The following TNNI2 variants were observed in gnomAD, a reference collection of about 807,000 sequenced individuals.
The protein encoded by TNNI2 is troponin I2, fast skeletal type, also known as troponin I, fast skeletal muscle.
In TNNI2, 14 loss-of-function variants were observed where a neutral mutation model predicts 26.5. The ratio of observed to expected loss-of-function variants is 0.53; its 90% CI spans 0.35 to 0.83. The LOEUF (loss-of-function observed/expected upper bound fraction) is 0.83, where lower values mean the gene tolerates loss of function less well. TNNI2 is among the 40% of genes least tolerant of loss of function. The probability of loss-of-function intolerance (pLI) is 0.01; values close to 1 mark genes in which losing one functional copy is unlikely to be tolerated. For synonymous variants in TNNI2, 126 were observed against 97.6 expected, an observed-to-expected ratio of 1.29 and a Z score of -1.71; for missense variants, 205 against 248.5, an observed-to-expected ratio of 0.82 and a Z score of 1.18.
chr11:1,839,920 T>C (rs1847125806), intron 3 of TNNI2, 65 bp downstream of exon 3: 2 of 1,608,142 alleles, frequency 1.2e-6, no homozygotes, highest in Non-Finnish European at 1.7e-6. Flanking sequence ...GCATAGGTCA[T>C]AGGTCACAGC....
chr11:1,841,232 C>A (rs1441935874), intron 7 of TNNI2, 25 bp downstream of exon 7: 1 of 1,606,828 alleles, frequency 6.2e-7, no homozygotes, highest in Non-Finnish European at 8.5e-7. Context: ...GGGAGCACCA[C>A]CACACCTACC....
intron 4 of TNNI2, 39 bp from the exon 5 acceptor site, chr11:1,840,489 G>A (rs1353979331): frequency 1.2e-6 from 2 of 1,610,504 alleles, no homozygotes; most frequent in Non-Finnish European, 1.7e-6. Context: ...GGTCTGCAGG[G>A]GAGCTGGCTG....
rs112517111 is a variant in TNNI2 at position 1,841,014 on chromosome 11, G to A, written c.277-17G>A. The A allele has an allele frequency of 2.7e-3, 4,350 of 1,610,828 alleles. 122 individuals carry two copies. The African/African-American group carries it at 0.05, about 19-fold the overall frequency. ...CCACCGGGACCTCGGGCTCCCACCCGGCTCCCCTGCCCACAGCTGGAGGAC... is the reference window on the plus strand; with the variant it reads ...CCACCGGGACCTCGGGCTCCCACCCAGCTCCCCTGCCCACAGCTGGAGGAC... On this transcript the variant is annotated splice_polypyrimidine_tract_variant and intron_variant, in intron 6 of 7. Transcript: ENST00000381911.
intron 7 of TNNI2, 68 bp from the exon 8 acceptor site, chr11:1,841,388 G>A (rs771089985): frequency 6.4e-7 from 1 of 1,569,916 alleles, no homozygotes; most frequent in African/African-American, 1.3e-5. Flanking sequence ...TGAGGCTGAA[G>A]GTGGTGTGGA....
chr11:1,840,901 G>A lies in TNNI2; in HGVS notation c.269G>A (p.Ser90Asn). The A allele has an allele frequency of 1.2e-6, 2 of 1,613,048 alleles. No homozygotes were observed. Among genetic ancestry groups the A allele is most frequent in the Non-Finnish European group, 1.7e-6 (2 of 1,179,660 alleles). ...ATGGAGGTGAGGGTGCAGAAGACCA[G>A]CAAGGAGGTGAGTGGTGGCGGCGGG... ...YDMEVRVQKT[S>N]KELEDMNQKL... The change falls in exon 6 of 8, where the codon AGC becomes AAC. Residue 90 changes from serine (S) to asparagine (N), a missense_variant. Coordinates refer to ENST00000381911, the MANE Select transcript of TNNI2 (RefSeq NM_003282.4).
Position 1,840,516 on chromosome 11 carries a change from G to T in TNNI2, c.58-12G>T, listed in dbSNP as rs376026027. 58 of 1,611,342 alleles carry T rather than the reference G, an allele frequency of 3.6e-5. 1 individual carries two copies. The African/African-American group carries it at 7.1e-4, about 20-fold the overall frequency. On this transcript the variant is annotated splice_polypyrimidine_tract_variant and intron_variant, in intron 4 of 7. Transcript: ENST00000381911. ...AGCTGGCTGCAGCCCCTCACCGCCTGCCCCACCGCAGAGTGTGATGCTGCA... is the reference window on the plus strand; with the variant it reads ...AGCTGGCTGCAGCCCCTCACCGCCTTCCCCACCGCAGAGTGTGATGCTGCA...
Position 1,841,511 on chromosome 11 carries a change from G to C in TNNI2, c.509G>C (p.Gly170Ala), listed in dbSNP as rs945588746. Residue 170 changes from glycine (G) to alanine (A), a missense_variant, in exon 8 of 8, where the codon GGC (glycine) becomes GCC (alanine). Physicochemically the swap from Gly to Ala is moderately conservative, Grantham distance 60. Transcript: ENST00000381911. ...DWRKNIEEKS[G>A]MEGRKKMFES... is the part of the protein sequence containing the mutation. ...AGGAAGAACATCGAGGAGAAGTCTG[G>C]CATGGAGGGCCGGAAGAAGATGTTT... 6.2e-7 allele frequency: 1 copy of C among 1,614,158 alleles called. No individual in the cohort carries two copies. Among genetic ancestry groups the C allele is most frequent in the Non-Finnish European group, 8.5e-7 (1 of 1,180,008 alleles).
In TNNI2 at chr11:1,839,829, C is replaced by T. The variant is rs201561604; in HGVS notation, c.9-20C>T. On this transcript the variant is annotated intron_variant, in intron 2 of 7. Transcript: ENST00000381911. ...CTGTCTTCTCTCCCCGTCCTGCCTG[C>T]GTCCTCCCTCCCTGGACAGTGAGGA... 1.5e-5 allele frequency: 25 copies of T among 1,613,900 alleles called. No individual in the cohort carries two copies. Among genetic ancestry groups the T allele is most frequent in the East Asian group, 1.1e-4 (5 of 44,876 alleles).
intron 7 of TNNI2, 32 bp downstream of exon 7, chr11:1,841,239 T>TA (rs749325649): frequency 1.7e-4 from 266 of 1,603,944 alleles, no homozygotes; most frequent in Non-Finnish European, 2.0e-4. Flanking sequence ...CCACCACACC[T>TA]ACCCTGCCGG....
In TNNI2 at chr11:1,839,969, C is replaced by G; in HGVS notation, c.15+114C>G. The G allele has an allele frequency of 3.3e-6, 5 of 1,500,244 alleles. No homozygotes were observed. The South Asian group carries it at 6.1e-5, about 18-fold the overall frequency. 92.9% of individuals were successfully genotyped at this position (1,500,244 alleles called of 1,614,324 possible). A position where few individuals can be genotyped will look rare whatever the true frequency, so the allele number is the denominator to read the frequency against. ...GGCCCAGAGAAGATGGCCTGGCCCT[C>G]CCCGCTGGCAAAAGTGCCCCACCCA... On this transcript the variant is annotated intron_variant, in intron 3 of 7. Transcript: ENST00000381911.
chr11:1,840,465 G>A (rs559966617), intron 4 of TNNI2, 21 bp downstream of exon 4: 3 of 1,610,550 alleles, frequency 1.9e-6, no homozygotes, highest in Non-Finnish European at 2.5e-6. Flanking sequence ...GCTCCCGGGG[G>A]GGTGGCCCAG....
At chr11:1,841,228 A>T in intron 7 of TNNI2, 21 bp downstream of exon 7, 1 of 1,607,344 alleles carries the variant, frequency 6.2e-7, no homozygotes, top group Non-Finnish European at 8.5e-7. Context: ...CGGGGGGAGC[A>T]CCACCACACC....
intron 1 of TNNI2, chr11:1,839,449 T>C (rs976105809): frequency 8.6e-6 from 4 of 467,136 alleles, no homozygotes; most frequent in African/African-American, 6.0e-5. Flanking sequence ...CTCCTCAGGC[T>C]ATGCCTGGGA....
At position 1,840,577 on chromosome 11, in the gene TNNI2, G is replaced by T; in HGVS notation, c.107G>T (p.Arg36Leu). Residue 36 changes from arginine (R) to leucine (L), a missense_variant, in exon 5 of 8, where the codon CGC becomes CTC. Physicochemically the swap from Arg to Leu is moderately radical, Grantham distance 102 (BLOSUM62 -2). Coordinates refer to ENST00000381911, the MANE Select transcript of TNNI2 (RefSeq NM_003282.4). ...ACGGAGCTGGAGAAGGAGGAGAGCCGCCGTGAGGCAGAGAAGCAGAACTAC... is the reference window on the plus strand; with the variant it reads ...ACGGAGCTGGAGAAGGAGGAGAGCCTCCGTGAGGCAGAGAAGCAGAACTAC... Reference protein sequence around the residue: ...AATELEKEESRREAEKQNYLA... With the variant: ...AATELEKEESLREAEKQNYLA... The T allele has an allele frequency of 6.2e-7, 1 of 1,612,726 alleles. No individual in the cohort carries two copies. Among genetic ancestry groups the T allele is most frequent in the Non-Finnish European group, 8.5e-7 (1 of 1,179,842 alleles).
rs1847137391 is a variant in TNNI2, at chr11:1,840,410, A to G, written c.23A>G (p.Asn8Ser). 1 of 1,610,264 alleles carries G rather than the reference A, an allele frequency of 6.2e-7. No individual in the cohort carries two copies. Among genetic ancestry groups the G allele is most frequent in the Non-Finnish European group, 8.5e-7 (1 of 1,179,386 alleles). The change falls in exon 4 of 8, where the codon AAC becomes AGC. Residue 8 changes from asparagine to serine, a missense_variant. Physicochemically the swap from Asn to Ser is conservative, Grantham distance 46 (BLOSUM62 1). Coordinates refer to ENST00000381911, the MANE Select transcript of TNNI2 (RefSeq NM_003282.4). MGDEEKRNRAITARRQHL... is the reference protein window; with the variant it reads MGDEEKRSRAITARRQHL... ...CTGTCCCCTGCCCTGCAGAAGCGGAACAGGGCCATCACGGCCCGCAGGCAG... is the reference window on the plus strand; with the variant it reads ...CTGTCCCCTGCCCTGCAGAAGCGGAGCAGGGCCATCACGGCCCGCAGGCAG...
In TNNI2 at chr11:1,840,842, C is replaced by T; in HGVS notation, c.210C>T (p.Ala70=). 2 of 1,613,168 alleles carry T rather than the reference C, an allele frequency of 1.2e-6. No homozygotes were observed. The highest frequency in any genetic ancestry group is 2.7e-5 in the African/African-American group (2 of 75,030). The change falls in exon 6 of 8, where the codon GCC becomes GCT. Residue 70 remains alanine (A), a synonymous_variant. Transcript: ENST00000381911. ...EVQELCKQLH[A]KIDAAEEEKY... Reference sequence around the variant, plus strand: ...AGGAGCTCTGCAAACAGCTGCACGCCAAGATCGATGCGGCTGAAGAGGAGA... The same window carrying T: ...AGGAGCTCTGCAAACAGCTGCACGCTAAGATCGATGCGGCTGAAGAGGAGA...
In TNNI2 at chr11:1,841,654, C is replaced by T. The variant is rs1223988624; in HGVS notation, c.*103C>T. 1.9e-5 allele frequency: 20 copies of T among 1,039,910 alleles called. No individual in the cohort carries two copies. The highest frequency in any genetic ancestry group is 2.0e-4 in the Middle Eastern group (1 of 4,996). The allele number at this position is 1,039,910 out of a possible 1,614,324, so 64.4% of individuals were successfully genotyped here. A position where few individuals can be genotyped will look rare whatever the true frequency, so the allele number is the denominator to read the frequency against. ...CAGGGAGGGCTGGCCTCACCACCACCGTCAATAAAGGATTTGAATCCCCAT... is the reference window on the plus strand; with the variant it reads ...CAGGGAGGGCTGGCCTCACCACCACTGTCAATAAAGGATTTGAATCCCCAT... On this transcript the variant is annotated 3_prime_UTR_variant, in exon 8 of 8. Transcript: ENST00000381911.
intron 1 of TNNI2, 87 bp from the exon 2 acceptor site, chr11:1,839,588 C>A: frequency 4.8e-6 from 7 of 1,447,792 alleles, no homozygotes; most frequent in Non-Finnish European, 5.7e-6. Context: ...TCATCAGGAG[C>A]CCTGAACCCC....
intron 3 of TNNI2, 184 bp from the exon 4 acceptor site, chr11:1,840,219 G>A: frequency 6.4e-7 from 1 of 1,551,080 alleles, no homozygotes; most frequent in Non-Finnish European, 8.7e-7. Context: ...ACACCACACA[G>A]CACCATGTCC....
Sources: gnomAD v4.1 joint callset for allele counts on GRCh38, gnomAD v4.1.1 for gene constraint, MANE v1.5 for transcripts, NCBI Gene and HGNC (gene_info 2026-07-23, HGNC 2026-07-21) for gene names.